The following PLD5 variants were observed in gnomAD, a reference collection of about 807,000 sequenced individuals.
The protein encoded by PLD5 is inactive phospholipase D5.
In PLD5, 36 loss-of-function variants were observed where a neutral mutation model predicts 61.1. That is an observed-to-expected ratio of 0.59 (90% CI 0.45 to 0.78). The LOEUF is 0.78. PLD5 is among the 30% of genes least tolerant of loss of function. The probability of loss-of-function intolerance (pLI) is 0.00; values close to 1 mark genes in which losing one functional copy is unlikely to be tolerated. For missense variants in PLD5, 515 were observed against 644.4 expected (o/e 0.80, Z 2.17); for synonymous variants, 243 against 242.8 (o/e 1.00, Z -0.01).
intron 5 of PLD5, among the ~76,000 whole-genome samples, chr1:242,218,814 T>C (rs914040443): frequency 6.6e-6 from 1 of 152,252 alleles, no homozygotes; most frequent in Non-Finnish European, 1.5e-5. Context: ...GTTACTTACC[T>C]ATGTCTCAGC....
chr1:242,244,334 T>C (rs1178660768), intron 4 of PLD5, among the ~76,000 whole-genome samples: 4 of 152,168 alleles, frequency 2.6e-5, no homozygotes, highest in Admixed American at 2.6e-4. Context: ...CCAGGAAGAC[T>C]TGGTCCCTGT....
rs1262349571 is a variant in PLD5 at position 242,256,606 on chromosome 1, G to A, written c.607+8731C>T. ...AACAAGGCGCCATCTTGGAAGCACA[G>A]AGCAGCTCTCAGCAGACACTGAACC... On this transcript the variant is annotated intron_variant, in intron 4 of 9. Coordinates refer to ENST00000536534, the MANE Select transcript of PLD5 (RefSeq NM_001372062.1). This position sits in a 1 kb window ranked among gnomAD's most constrained non-coding sequence, Gnocchi z 5.7. Among the ~76,000 whole-genome samples, 1 of 152,180 alleles carries A rather than the reference G, an allele frequency of 6.6e-6. No homozygotes were observed. The highest frequency in any genetic ancestry group is 6.5e-5 in the Admixed American group (1 of 15,282).
chr1:242,086,923 A>C lies in PLD5; in HGVS notation c.*2931T>G, dbSNP rs1387051993. The C allele has an allele frequency of 1.3e-5, 2 of 152,052 alleles. No individual in the cohort carries two copies. Among genetic ancestry groups the C allele is most frequent in the Non-Finnish European group, 2.9e-5 (2 of 68,028 alleles). The allele number at this position is 152,052 out of a possible 1,614,324, so 9.4% of individuals were successfully genotyped here. A position where few individuals can be genotyped will look rare whatever the true frequency, so the allele number is the denominator to read the frequency against. On this transcript the variant is annotated 3_prime_UTR_variant, in exon 10 of 10. Transcript: ENST00000536534. ...GCATGGACATCCACCAGAGGGTGTC[A>C]AATTAACCTGTTTTTGTTTTGCATT...
chr1:242,226,159 T>G (rs1670927731), intron 4 of PLD5, among the ~76,000 whole-genome samples: 1 of 152,228 alleles, frequency 6.6e-6, no homozygotes, highest in Non-Finnish European at 1.5e-5. Context: ...TGAAAGTATA[T>G]TAAGTATGAT....
At chr1:242,390,022 T>TAA (rs1662833943) in intron 1 of PLD5, among the ~76,000 whole-genome samples, 1 of 29,686 alleles carries the variant, frequency 3.4e-5, no homozygotes, top group African/African-American at 1.6e-4. Flanking sequence ...ATAATAATAA[T>TAA]TATTATTATT....
chr1:242,242,543 C>T (rs1239054996), intron 4 of PLD5, among the ~76,000 whole-genome samples: 4 of 152,300 alleles, frequency 2.6e-5, no homozygotes, highest in African/African-American at 9.6e-5. Context: ...TAAAATCACA[C>T]GCATGGGGCA....
chr1:242,466,885 TC>T (rs1667293988), intron 1 of PLD5, among the ~76,000 whole-genome samples: 1 of 141,096 alleles, frequency 7.1e-6, no homozygotes, highest in Admixed American at 7.2e-5. Context: ...AGAGTGAGAC[TC>T]CATCTCAAAA....
intron 1 of PLD5, among the ~76,000 whole-genome samples, chr1:242,428,640 C>T (rs570003336): frequency 1.3e-5 from 2 of 152,324 alleles, no homozygotes; most frequent in African/African-American, 2.4e-5. Context: ...TAAGCAGCTG[C>T]TTCCATAACC....
At chr1:242,100,609 C>G in intron 9 of PLD5, 59 bp downstream of exon 9, 2 of 1,280,234 alleles carry the variant, frequency 1.6e-6, no homozygotes, top group Non-Finnish European at 2.3e-6. Flanking sequence ...TGGAGCACAG[C>G]TGGACTACCA....
intron 5 of PLD5, among the ~76,000 whole-genome samples, chr1:242,194,800 T>G (rs1668530773): frequency 6.6e-6 from 1 of 152,130 alleles, no homozygotes; most frequent in South Asian, 2.1e-4. Context: ...CATCAGGCAT[T>G]CTCACTCATA....
chr1:242,391,203 G>T (rs1160930800), intron 1 of PLD5, among the ~76,000 whole-genome samples: 1 of 152,018 alleles, frequency 6.6e-6, no homozygotes, highest in African/African-American at 2.4e-5. Flanking sequence ...TCAAAAAAAA[G>T]AAAAAGTTGT....
At chr1:242,405,234 C>T (rs895722067) in intron 1 of PLD5, among the ~76,000 whole-genome samples, 1 of 152,198 alleles carries the variant, frequency 6.6e-6, no homozygotes, top group Admixed American at 6.5e-5. Context: ...CATGCTTTCC[C>T]GTGGTTTTCA....
At chr1:242,185,099 T>C (rs1209377876) in intron 5 of PLD5, among the ~76,000 whole-genome samples, 1 of 152,218 alleles carries the variant, frequency 6.6e-6, no homozygotes, top group Non-Finnish European at 1.5e-5. Flanking sequence ...GCTGGCTGCC[T>C]ATGTTTATGG....
At chr1:242,396,838 C>A (rs1344624205) in intron 1 of PLD5, among the ~76,000 whole-genome samples, 1 of 151,978 alleles carries the variant, frequency 6.6e-6, no homozygotes, top group Middle Eastern at 3.2e-3. Flanking sequence ...TGCCACCAAG[C>A]CCAGCTAATT....
Position 242,083,170 on chromosome 1 carries a change from G to A in PLD5, c.*6684C>T, listed in dbSNP as rs1015090267. On this transcript the variant is annotated 3_prime_UTR_variant, in exon 10 of 10. Coordinates refer to ENST00000536534, the MANE Select transcript of PLD5 (RefSeq NM_001372062.1). The stretch of plus-strand genomic sequence containing the variant: ...GACTGCAGAAGTAACTGCTGTCACT[G>A]TTCTCAGAGTCACCATTACGGTGAC... 4.6e-5 allele frequency: 7 copies of A among 152,150 alleles called. No individual in the cohort carries two copies. The highest frequency in any genetic ancestry group is 2.1e-4 in the South Asian group (1 of 4,826). The allele number at this position is 152,150 out of a possible 1,614,324, so 9.4% of individuals were successfully genotyped here.
At chr1:242,234,130 G>GA (rs202050435) in intron 4 of PLD5, among the ~76,000 whole-genome samples, 16 of 151,118 alleles carry the variant, frequency 1.1e-4, no homozygotes, top group Admixed American at 7.3e-4. Context: ...TCTTCTTCCA[G>GA]AAAAAAAAAT....
At chr1:242,207,810 T>A (rs7525399) in intron 5 of PLD5, among the ~76,000 whole-genome samples, 2,164 of 37,418 alleles carry the variant, frequency 0.058, 258 homozygotes, top group South Asian at 0.082. Context: ...TTATATATAT[T>A]TATATTTATA....
rs1467501921 is a variant in PLD5 at position 242,163,150 on chromosome 1, TC to T, written c.736-38486del. Among the ~76,000 whole-genome samples, 1,146 of 147,124 alleles carry T rather than the reference TC, an allele frequency of 7.8e-3. 37 individuals carry two copies. The highest frequency in any genetic ancestry group is 0.026 in the African/African-American group (1,025 of 40,180). ...GTCTTTTATTTTCTTTTCTTTTCTTTCTTTTCTTGAGACGACGGAGTCTCAC... is the reference window on the plus strand; with the variant it reads ...GTCTTTTATTTTCTTTTCTTTTCTTTTTTTCTTGAGACGACGGAGTCTCAC... On this transcript the variant is annotated intron_variant, in intron 5 of 9. Transcript: ENST00000536534.
chr1:242,512,232 A>T (rs1371145879), intron 1 of PLD5, among the ~76,000 whole-genome samples: 1 of 150,882 alleles, frequency 6.6e-6, no homozygotes, highest in African/African-American at 2.4e-5. Context: ...TAACACGGTG[A>T]AACCTCGTCT....
Sources: gnomAD v4.1 joint callset for allele counts (sites outside exome capture counted in the v4.1 genomes callset) on GRCh38, gnomAD v4.1.1 for gene constraint, Gnocchi (gnomAD v3.1) non-coding constraint, MANE v1.5 for transcripts, NCBI Gene and HGNC (gene_info 2026-07-23, HGNC 2026-07-21) for gene names.